Variants in LIN28A observed in about 807,000 individuals in gnomAD.
LIN28A encodes lin-28 RNA binding posttranscriptional regulator A.
In LIN28A, 11 loss-of-function variants were observed where a neutral mutation model predicts 21.1. The ratio of observed to expected loss-of-function variants is 0.52; its 90% CI spans 0.33 to 0.86. The LOEUF (loss-of-function observed/expected upper bound fraction) is 0.86, where lower values mean the gene tolerates loss of function less well. Among genes scored for constraint, LIN28A ranks in the 40% least tolerant of loss-of-function variants. The pLI is 0.03. For synonymous variants in LIN28A, 111 were observed against 108.7 expected (o/e 1.02, Z -0.13); for missense variants, 219 against 279.8 (o/e 0.78, Z 1.55).
intron 2 of LIN28A, among the ~76,000 whole-genome samples, chr1:26,412,942 C>T (rs958181790): frequency 6.6e-6 from 1 of 152,142 alleles, no homozygotes; most frequent in South Asian, 2.1e-4. Context: ...TGAGCTGCCC[C>T]TTTGCAGCAC....
intron 2 of LIN28A, among the ~76,000 whole-genome samples, chr1:26,413,269 T>C (rs1454456507): frequency 2.0e-5 from 3 of 152,134 alleles, no homozygotes; most frequent in Non-Finnish European, 4.4e-5. Flanking sequence ...CCCAACGTTT[T>C]CTCATCTCCC....
chr1:26,412,876 G>A (rs555804332), intron 2 of LIN28A, among the ~76,000 whole-genome samples: 2 of 152,066 alleles, frequency 1.3e-5, no homozygotes, highest in Admixed American at 6.6e-5. Context: ...TACTGTTGGG[G>A]CCATGGGGTC....
At chr1:26,425,032 C>T (rs1015782797) in intron 2 of LIN28A, among the ~76,000 whole-genome samples, 4 of 152,140 alleles carry the variant, frequency 2.6e-5, no homozygotes, top group Admixed American at 2.6e-4. Context: ...TGTGAGCCAC[C>T]GTACCCGGCC....
At position 26,427,559 on chromosome 1, in the gene LIN28A, G is replaced by A. The variant is rs989226227; in HGVS notation, c.*1101G>A. On this transcript the variant is annotated 3_prime_UTR_variant, in exon 4 of 4. Coordinates refer to ENST00000326279, the MANE Select transcript of LIN28A (RefSeq NM_024674.6). ...CAGAGGCTAGGAGAGGCTGGGCCCG[G>A]TGAAAAGGCCAGAGAGCAAGCCAAG... 1 of 152,558 alleles carries A rather than the reference G, an allele frequency of 6.6e-6. No homozygotes were observed. The highest frequency in any genetic ancestry group is 1.5e-5 in the Non-Finnish European group (1 of 68,094). The allele number at this position is 152,558 out of a possible 1,614,324, so 9.5% of individuals were successfully genotyped here.
At chr1:26,420,085 G>A (rs150099604) in intron 2 of LIN28A, among the ~76,000 whole-genome samples, 13 of 152,204 alleles carry the variant, frequency 8.5e-5, no homozygotes, top group Non-Finnish European at 1.8e-4. Context: ...AGCCTCCCAA[G>A]TAGCTGGTAC....
rs1265164671 is a variant in LIN28A, at chr1:26,411,129, G to C, written c.31+207G>C. Among the ~76,000 whole-genome samples the C allele has an allele frequency of 6.6e-6, 1 of 152,138 alleles. No homozygotes were observed. Among genetic ancestry groups the C allele is most frequent in the Non-Finnish European group, 1.5e-5 (1 of 67,968 alleles). On this transcript the variant is annotated intron_variant, in intron 1 of 3. Coordinates refer to ENST00000326279, the MANE Select transcript of LIN28A (RefSeq NM_024674.6). The surrounding 1 kb of genome is among the most constrained non-coding windows in gnomAD (Gnocchi z 5.4). ...ACTACGTGGGTGGATGGAGAGGAGA[G>C]GCTTGTCCCGCCGTGAGTCTCTGGG... is the stretch of plus-strand genomic sequence containing the variant.
rs1241315432 is a variant in LIN28A at position 26,427,987 on chromosome 1, A to G, written c.*1529A>G. On this transcript the variant is annotated 3_prime_UTR_variant, in exon 4 of 4. Transcript: ENST00000326279. Reference sequence around the variant, plus strand: ...ACTGTGTTGAAACGGGACAAATGCAATAGAACGCATTGGGTGGTGTGTGTC... The same window carrying G: ...ACTGTGTTGAAACGGGACAAATGCAGTAGAACGCATTGGGTGGTGTGTGTC... 1 of 152,614 alleles carries G rather than the reference A, an allele frequency of 6.6e-6. No individual in the cohort carries two copies. The highest frequency in any genetic ancestry group is 1.5e-5 in the Non-Finnish European group (1 of 68,052). 9.5% of individuals were successfully genotyped at this position (152,614 alleles called of 1,614,324 possible). A position where few individuals can be genotyped will look rare whatever the true frequency, so the allele number is the denominator to read the frequency against.
intron 2 of LIN28A, among the ~76,000 whole-genome samples, chr1:26,423,257 T>C (rs1163796926): frequency 6.6e-6 from 1 of 151,974 alleles, no homozygotes; most frequent in African/African-American, 2.4e-5. Context: ...GCCAGGCTGG[T>C]GTTGAACTCC....
Position 26,411,029 on chromosome 1 carries a change from G to A in LIN28A, c.31+107G>A. 1.4e-6 allele frequency: 2 copies of A among 1,408,922 alleles called. No individual in the cohort carries two copies. The highest frequency in any genetic ancestry group is 1.9e-6 in the Non-Finnish European group (2 of 1,044,406). The allele number at this position is 1,408,922 out of a possible 1,614,324, so 87.3% of individuals were successfully genotyped here. ...TCCTAGGCTGCCCAAAGGACCCCAA[G>A]ACGGTGCGGCCTTCTGCTTCATAGG... On this transcript the variant is annotated intron_variant, in intron 1 of 3. Transcript: ENST00000326279. The surrounding 1 kb of genome is among the most constrained non-coding windows in gnomAD (Gnocchi z 5.4).
intron 2 of LIN28A, among the ~76,000 whole-genome samples, chr1:26,419,255 G>A (rs1437077954): frequency 4.6e-5 from 7 of 151,724 alleles, no homozygotes; most frequent in African/African-American, 7.3e-5. Context: ...AGAAAGGGGC[G>A]GGGGAGGAGG....
In LIN28A at chr1:26,411,764, G is replaced by A. The variant is rs576315501; in HGVS notation, c.228+182G>A. On this transcript the variant is annotated intron_variant, in intron 2 of 3. Coordinates refer to ENST00000326279, the MANE Select transcript of LIN28A (RefSeq NM_024674.6). The surrounding 1 kb of genome is among the most constrained non-coding windows in gnomAD (Gnocchi z 5.4). Reference sequence around the variant, plus strand: ...CTATCTCGTGGGGGAGTAGTGGGAGGCAGCACCAATTATCAGCACCCCCGC... The same window carrying A: ...CTATCTCGTGGGGGAGTAGTGGGAGACAGCACCAATTATCAGCACCCCCGC... 2.4e-4 allele frequency among the ~76,000 whole-genome samples: 37 copies of A among 152,324 alleles called. No homozygotes were observed. Among genetic ancestry groups the A allele is most frequent in the Middle Eastern group, 6.8e-3 (2 of 294 alleles).
chr1:26,426,592 C>T lies in LIN28A; in HGVS notation c.*134C>T. Reference sequence around the variant, plus strand: ...TCTCAGGCTTGGGTTCACACCATCACCCTTTCTTCCCTCTAGGTGGGGGGA... The same window carrying T: ...TCTCAGGCTTGGGTTCACACCATCATCCTTTCTTCCCTCTAGGTGGGGGGA... On this transcript the variant is annotated 3_prime_UTR_variant, in exon 4 of 4. Coordinates refer to ENST00000326279, the MANE Select transcript of LIN28A (RefSeq NM_024674.6). 1.5e-6 allele frequency: 1 copy of T among 680,510 alleles called. No homozygotes were observed. The highest frequency in any genetic ancestry group is 1.8e-5 in the South Asian group (1 of 55,050). 42.2% of individuals were successfully genotyped at this position (680,510 alleles called of 1,614,324 possible). A position where few individuals can be genotyped will look rare whatever the true frequency, so the allele number is the denominator to read the frequency against.
rs573671459 is a variant in LIN28A at position 26,413,763 on chromosome 1, G to T, written c.228+2181G>T. 2.7e-5 allele frequency among the ~76,000 whole-genome samples: 4 copies of T among 149,826 alleles called. No homozygotes were observed. In the East Asian group the frequency reaches 7.9e-4, roughly 30 times the overall value. Reference sequence around the variant, plus strand: ...TCCTCCAACCCCACCTTAACCGTAAGTTAGATTAGTGATTCCAGTCTTTGC... The same window carrying T: ...TCCTCCAACCCCACCTTAACCGTAATTTAGATTAGTGATTCCAGTCTTTGC... On this transcript the variant is annotated intron_variant, in intron 2 of 3. Transcript: ENST00000326279.
In LIN28A at chr1:26,411,031, C is replaced by CGGT. The variant is rs2074954872; in HGVS notation, c.31+111_31+113dup. 1.4e-6 allele frequency: 2 copies of CGGT among 1,393,780 alleles called. No individual in the cohort carries two copies. Among genetic ancestry groups the CGGT allele is most frequent in the Non-Finnish European group, 1.9e-6 (2 of 1,032,164 alleles). 86.3% of individuals were successfully genotyped at this position (1,393,780 alleles called of 1,614,324 possible). On this transcript the variant is annotated intron_variant, in intron 1 of 3. Coordinates refer to ENST00000326279, the MANE Select transcript of LIN28A (RefSeq NM_024674.6). This position sits in a 1 kb window ranked among gnomAD's most constrained non-coding sequence, Gnocchi z 5.4. ...CTAGGCTGCCCAAAGGACCCCAAGA[C>CGGT]GGTGCGGCCTTCTGCTTCATAGGGC...
intron 2 of LIN28A, among the ~76,000 whole-genome samples, chr1:26,424,491 C>T (rs1169122367): frequency 1.3e-5 from 2 of 151,782 alleles, no homozygotes; most frequent in Non-Finnish European, 2.9e-5. Context: ...CCACCTGCTT[C>T]AGCCTCCCAA....
At chr1:26,420,038 A>G (rs556933746) in intron 2 of LIN28A, among the ~76,000 whole-genome samples, 1 of 152,206 alleles carries the variant, frequency 6.6e-6, no homozygotes, top group African/African-American at 2.4e-5. Context: ...GCTCACTGCA[A>G]GCTCTGCCTC....
rs1200948543 is a variant in LIN28A at position 26,411,057 on chromosome 1, C to G, written c.31+135C>G. ...GGTGCGGCCTTCTGCTTCATAGGGC[C>G]GTCTCTGGGGCCAGGAACCTTGGTG... On this transcript the variant is annotated intron_variant, in intron 1 of 3. Transcript: ENST00000326279. This position sits in a 1 kb window ranked among gnomAD's most constrained non-coding sequence, Gnocchi z 5.4. The G allele has an allele frequency of 1.1e-5, 13 of 1,172,242 alleles. No homozygotes were observed. Among genetic ancestry groups the G allele is most frequent in the South Asian group, 1.6e-5 (1 of 61,974 alleles). 72.6% of individuals were successfully genotyped at this position (1,172,242 alleles called of 1,614,324 possible).
rs1410782646 is a variant in LIN28A at position 26,427,536 on chromosome 1, G to T, written c.*1078G>T. 3 of 152,614 alleles carry T rather than the reference G, an allele frequency of 2.0e-5. No individual in the cohort carries two copies. Among genetic ancestry groups the T allele is most frequent in the Non-Finnish European group, 4.4e-5 (3 of 68,066 alleles). 9.5% of individuals were successfully genotyped at this position (152,614 alleles called of 1,614,324 possible). On this transcript the variant is annotated 3_prime_UTR_variant, in exon 4 of 4. Transcript: ENST00000326279. ...TCTAAACAGGAAATGGTGGTACACAGAGGCTAGGAGAGGCTGGGCCCGGTG... is the reference window on the plus strand; with the variant it reads ...TCTAAACAGGAAATGGTGGTACACATAGGCTAGGAGAGGCTGGGCCCGGTG...
intron 2 of LIN28A, among the ~76,000 whole-genome samples, chr1:26,419,585 G>A (rs1212969597): frequency 1.3e-5 from 2 of 152,102 alleles, no homozygotes; most frequent in Admixed American, 1.3e-4. Flanking sequence ...GTTAACCCAC[G>A]CCACCCAGTG....
Sources: allele counts gnomAD v4.1 joint callset (sites outside exome capture counted in the v4.1 genomes callset), GRCh38; gene constraint gnomAD v4.1.1; non-coding constraint Gnocchi (gnomAD v3.1); transcripts MANE v1.5; gene names NCBI Gene and HGNC (gene_info 2026-07-23, HGNC 2026-07-21).